TMEM39A: variants seen among roughly 807,000 people sequenced by gnomAD.
TMEM39A encodes the protein suppressor of SQST-1 aggregates in rpl-43 mutants.
TMEM39A carries 19 observed loss-of-function variants against 51.9 expected under a neutral mutation model. The observed-to-expected ratio is 0.37, with a 90% confidence interval of 0.26 to 0.54. The LOEUF (loss-of-function observed/expected upper bound fraction) is 0.54, where lower values mean the gene tolerates loss of function less well. TMEM39A is among the 20% of genes least tolerant of loss of function. TMEM39A has a pLI of 0.88. For missense variants in TMEM39A, 433 were observed against 590.5 expected (o/e 0.73, Z 2.76); for synonymous variants, 197 against 220.2 (o/e 0.89, Z 0.93).
Position 119,447,150 on chromosome 3 carries a change from G to T in TMEM39A, c.443C>A (p.Ser148Ter). Residue 148 changes from serine (S) to a stop codon, truncating the protein, a stop_gained, in exon 5 of 9, where the codon TCA (serine) becomes TAA (stop). Coordinates refer to ENST00000319172, the MANE Select transcript of TMEM39A (RefSeq NM_018266.3). LOFTEE classifies it high-confidence loss of function. The part of the protein sequence containing the change: ...ISEATKAGAA[S>*]MIHYMVLISA... ...TATCAGAACCATGTAGTGAATCATT[G>T]ATGCTGCACCTGCCTTAGTAGCCTG... 1 of 1,613,214 alleles carries T rather than the reference G, an allele frequency of 6.2e-7. No homozygotes were observed. Among genetic ancestry groups the T allele is most frequent in the East Asian group, 2.2e-5 (1 of 44,858 alleles).
At chr3:119,439,993 C>T (rs932389796) in intron 5 of TMEM39A, among the ~76,000 whole-genome samples, 1 of 152,132 alleles carries the variant, frequency 6.6e-6, no homozygotes, top group African/African-American at 2.4e-5. Context: ...GTCTTGAACT[C>T]CTGAGCTCAA....
At chr3:119,456,005 T>TA (rs886753494) in intron 3 of TMEM39A, among the ~76,000 whole-genome samples, 2 of 152,186 alleles carry the variant, frequency 1.3e-5, no homozygotes, top group African/African-American at 2.4e-5. Flanking sequence ...CATATAATGG[T>TA]ACCTACCCAT....
At position 119,459,809 on chromosome 3, in the gene TMEM39A, A is replaced by C. The variant is rs185900520; in HGVS notation, c.114-1569T>G. Among the ~76,000 whole-genome samples the C allele has an allele frequency of 1.2e-4, 19 of 152,346 alleles. No individual in the cohort carries two copies. The East Asian group carries it at 3.5e-3, about 28-fold the overall frequency. On this transcript the variant is annotated intron_variant, in intron 2 of 8. Transcript: ENST00000319172. ...TGACCTATGTCTGTCTTGCAGAATC[A>C]AATGTATCATCCAAAAGTATGTAAT...
At chr3:119,463,205 C>G (rs1190725073) in intron 1 of TMEM39A, 131 bp downstream of exon 1, 2 of 178,000 alleles carry the variant, frequency 1.1e-5, no homozygotes, top group African/African-American at 4.7e-5. Context: ...TGCAGGAGAC[C>G]ACAAACTTCA....
In TMEM39A at chr3:119,431,670, A is replaced by G. The variant is rs1438499415; in HGVS notation, c.*311T>C. ...GATTGAAAGAAAAGCAGACATACCA[A>G]AGGTACTGTGTCAAGTAATACATGA... On this transcript the variant is annotated 3_prime_UTR_variant, in exon 9 of 9. Coordinates refer to ENST00000319172, the MANE Select transcript of TMEM39A (RefSeq NM_018266.3). The G allele has an allele frequency of 5.6e-6, 1 of 179,942 alleles. No individual in the cohort carries two copies. Among genetic ancestry groups the G allele is most frequent in the Non-Finnish European group, 1.2e-5 (1 of 86,186 alleles). The allele number at this position is 179,942 out of a possible 1,614,324, so 11.1% of individuals were successfully genotyped here.
At chr3:119,458,964 T>C (rs1478966775) in intron 2 of TMEM39A, among the ~76,000 whole-genome samples, 2 of 152,216 alleles carry the variant, frequency 1.3e-5, no homozygotes, top group African/African-American at 2.4e-5. Flanking sequence ...ATAAATTCTC[T>C]AGCAATGAGT....
At chr3:119,437,693 A>G (rs752037056) in intron 6 of TMEM39A, 62 bp downstream of exon 6, 18 of 1,319,098 alleles carry the variant, frequency 1.4e-5, no homozygotes, top group Non-Finnish European at 1.9e-5. Context: ...AACAAGAAAT[A>G]CCCAGTTTAT....
At chr3:119,461,874 G>A in intron 2 of TMEM39A, 88 bp downstream of exon 2, 3 of 1,048,234 alleles carry the variant, frequency 2.9e-6, no homozygotes, top group African/African-American at 3.2e-5. Context: ...ATCTCAATAA[G>A]CAAATATCTG....
chr3:119,433,422 A>G (rs1306897913), intron 8 of TMEM39A, among the ~76,000 whole-genome samples: 2 of 152,164 alleles, frequency 1.3e-5, no homozygotes, highest in African/African-American at 4.8e-5. Context: ...GTGATTTATC[A>G]GCAGGTGGCC....
At chr3:119,435,098 G>T in intron 7 of TMEM39A, 1 of 984,528 alleles carries the variant, frequency 1.0e-6, no homozygotes, top group Non-Finnish European at 1.2e-6. Context: ...AGGTTGCAAA[G>T]AAATATAGTT....
chr3:119,437,806 G>A lies in TMEM39A; in HGVS notation c.873C>T (p.Asn291=), dbSNP rs760012058. The stretch of plus-strand genomic sequence containing the variant: ...CAACATAGTAGGCACTGAAGAGGGA[G>A]TTGAAGAGAACCTCCTTGATTCTGT... The part of the protein sequence containing the change: ...FNHRIKEVLF[N]SLFSAYYVAF... Residue 291 remains asparagine (N), a synonymous_variant, in exon 6 of 9, where the codon AAC becomes AAT. Coordinates refer to ENST00000319172, the MANE Select transcript of TMEM39A (RefSeq NM_018266.3). The A allele has an allele frequency of 4.4e-6, 7 of 1,595,998 alleles. No individual in the cohort carries two copies. The highest frequency in any genetic ancestry group is 6.0e-6 in the Non-Finnish European group (7 of 1,166,316).
In TMEM39A at chr3:119,456,108, A is replaced by G. The variant is rs1039910420; in HGVS notation, c.336+1910T>C. On this transcript the variant is annotated intron_variant, in intron 3 of 8. Transcript: ENST00000319172. ...ATGAGATAATACTTGTAAATAATCT[A>G]AATATTTTAATGTGTGTTCGTTATT... Among the ~76,000 whole-genome samples the G allele has an allele frequency of 3.7e-4, 56 of 152,236 alleles. 1 individual carries two copies. Among genetic ancestry groups the G allele is most frequent in the African/African-American group, 1.3e-3 (53 of 41,458 alleles).
intron 4 of TMEM39A, among the ~76,000 whole-genome samples, chr3:119,448,344 C>T (rs1447591505): frequency 6.6e-6 from 1 of 152,118 alleles, no homozygotes; most frequent in Non-Finnish European, 1.5e-5. Flanking sequence ...CCCATAACCT[C>T]TAAGAGAGCA....
At chr3:119,446,961 G>A (rs575333632) in intron 5 of TMEM39A, 57 bp downstream of exon 5, 51 of 1,544,888 alleles carry the variant, frequency 3.3e-5, no homozygotes, top group South Asian at 2.9e-4. Flanking sequence ...TATCGTTTAC[G>A]TGACCGAAAT....
At chr3:119,447,818 T>G (rs1258594882) in intron 4 of TMEM39A, among the ~76,000 whole-genome samples, 2 of 151,996 alleles carry the variant, frequency 1.3e-5, no homozygotes, top group Admixed American at 1.3e-4. Context: ...GAGACAGGGT[T>G]TTACCATGTT....
In TMEM39A at chr3:119,462,155, GACA is replaced by G. The variant is rs951295883; in HGVS notation, c.-74-10_-74-8del. On this transcript the variant is annotated splice_region_variant and splice_polypyrimidine_tract_variant and intron_variant, in intron 1 of 8. Transcript: ENST00000319172. The stretch of plus-strand genomic sequence containing the variant: ...TTGTCAACCAGTTTCAACTCTGAAC[GACA>G]ACAAAAACATTTAAACATCAGTAGA... 9.6e-7 allele frequency: 1 copy of G among 1,043,764 alleles called. No homozygotes were observed. Among genetic ancestry groups the G allele is most frequent in the African/African-American group, 1.6e-5 (1 of 62,660 alleles). 64.7% of individuals were successfully genotyped at this position (1,043,764 alleles called of 1,614,324 possible).
Position 119,437,742 on chromosome 3 carries a change from G to T in TMEM39A, c.924+13C>A. The T allele has an allele frequency of 6.6e-7, 1 of 1,511,932 alleles. No individual in the cohort carries two copies. The highest frequency in any genetic ancestry group is 1.3e-5 in the South Asian group (1 of 76,300). The allele number at this position is 1,511,932 out of a possible 1,614,324, so 93.7% of individuals were successfully genotyped here. On this transcript the variant is annotated intron_variant, in intron 6 of 8. Coordinates refer to ENST00000319172, the MANE Select transcript of TMEM39A (RefSeq NM_018266.3). ...AAATCCAGGAAGCACATAAAAGTAAGATAACCACTTACCTTCACAAAACAC... is the reference window on the plus strand; with the variant it reads ...AAATCCAGGAAGCACATAAAAGTAATATAACCACTTACCTTCACAAAACAC...
Position 119,430,518 on chromosome 3 carries a change from A to G in TMEM39A, c.*1463T>C, listed in dbSNP as rs1050979255. ...ACCTTTGCATTTCTCATTCACTGCTATATCCCCAGGGCCTAATATAGTGCC... is the reference window on the plus strand; with the variant it reads ...ACCTTTGCATTTCTCATTCACTGCTGTATCCCCAGGGCCTAATATAGTGCC... On this transcript the variant is annotated 3_prime_UTR_variant, in exon 9 of 9. Coordinates refer to ENST00000319172, the MANE Select transcript of TMEM39A (RefSeq NM_018266.3). 4.6e-5 allele frequency: 7 copies of G among 152,086 alleles called. No homozygotes were observed. Among genetic ancestry groups the G allele is most frequent in the African/African-American group, 1.7e-4 (7 of 41,424 alleles). The allele number at this position is 152,086 out of a possible 1,614,324, so 9.4% of individuals were successfully genotyped here. A position where few individuals can be genotyped will look rare whatever the true frequency, so the allele number is the denominator to read the frequency against.
intron 1 of TMEM39A, among the ~76,000 whole-genome samples, chr3:119,463,061 C>T (rs1201450602): frequency 6.6e-6 from 1 of 152,216 alleles, no homozygotes; most frequent in African/African-American, 2.4e-5. Flanking sequence ...TGTAAACTAA[C>T]CCCAAGTCAA....
Sources: allele counts gnomAD v4.1 joint callset (sites outside exome capture counted in the v4.1 genomes callset), GRCh38; gene constraint gnomAD v4.1.1; transcripts MANE v1.5; gene names NCBI Gene and HGNC (gene_info 2026-07-23, HGNC 2026-07-21).